RPH3A: variants seen among roughly 807,000 people sequenced by gnomAD.
RPH3A encodes rabphilin 3A.
Under a neutral mutation model 102.2 loss-of-function variants are expected in RPH3A, and 48 were observed. The ratio of observed to expected loss-of-function variants is 0.47; its 90% CI spans 0.37 to 0.60. The LOEUF (loss-of-function observed/expected upper bound fraction) is 0.60, where lower values mean the gene tolerates loss of function less well. RPH3A is among the 20% of genes least tolerant of loss of function. The pLI is 0.00. For synonymous variants in RPH3A, 310 were observed against 324.3 expected, an observed-to-expected ratio of 0.96 and a Z score of 0.47; for missense variants, 781 against 910.1, an observed-to-expected ratio of 0.86 and a Z score of 1.83.
chr12:112,800,620 G>C (rs1161970354), intron 2 of RPH3A, among the ~76,000 whole-genome samples: 1 of 152,166 alleles, frequency 6.6e-6, no homozygotes, highest in African/African-American at 2.4e-5. Flanking sequence ...AGTGAGGGGA[G>C]CTGTGATGGG....
rs11375355 is a variant in RPH3A, at chr12:112,774,063, C to CAAAAAAAAAAAAAAAAAAAA, written c.-139-18066_-139-18065insAAAAAAAAAAAAAAAAAAAA. Among the ~76,000 whole-genome samples the CAAAAAAAAAAAAAAAAAAAA allele has an allele frequency of 4.3e-4, 47 of 108,354 alleles. 2 individuals carry two copies. The highest frequency in any genetic ancestry group is 1.2e-3 in the African/African-American group (31 of 25,290). The allele number at this position is 108,354 out of a possible 152,430, so 71.1% of individuals were successfully genotyped here. ...TCACGCCACTGCACTCCAGCCTGGG[C>CAAAAAAAAAAAAAAAAAAAA]AAAAAAAAAAAAAAGAAAAAGAGAA... On this transcript the variant is annotated intron_variant, in intron 1 of 21. Coordinates refer to the RPH3A transcript ENST00000543106.
chr12:112,635,700 T>G (rs998552139), intron 1 of RPH3A, among the ~76,000 whole-genome samples: 1 of 152,130 alleles, frequency 6.6e-6, no homozygotes, highest in Admixed American at 6.6e-5. Context: ...TTTGGCGAGT[T>G]GGGGAGGGAG....
chr12:112,597,754 T>G (rs963089901), intron 1 of RPH3A, among the ~76,000 whole-genome samples: 2 of 152,164 alleles, frequency 1.3e-5, no homozygotes, highest in African/African-American at 2.4e-5. Context: ...CTGGTTGCCC[T>G]CTGAAGAGAG....
At chr12:112,843,918 C>T (rs2042189143) in intron 4 of RPH3A, among the ~76,000 whole-genome samples, 1 of 152,070 alleles carries the variant, frequency 6.6e-6, no homozygotes, top group South Asian at 2.1e-4. Flanking sequence ...ACACAGGAGT[C>T]CACTGTATCC....
intron 4 of RPH3A, among the ~76,000 whole-genome samples, chr12:112,843,781 C>T (rs771444034): frequency 6.6e-6 from 1 of 152,092 alleles, no homozygotes; most frequent in East Asian, 1.9e-4. Context: ...CAGGAAGAGA[C>T]GTGGCGGCAA....
chr12:112,656,885 T>A (rs1044968084), intron 1 of RPH3A, among the ~76,000 whole-genome samples: 6 of 152,122 alleles, frequency 3.9e-5, no homozygotes, highest in Non-Finnish European at 8.8e-5. Context: ...ATGACTTTGC[T>A]ATTGTGAATA....
At chr12:112,680,294 T>C (rs2040217761) in intron 1 of RPH3A, among the ~76,000 whole-genome samples, 1 of 152,124 alleles carries the variant, frequency 6.6e-6, no homozygotes, top group African/African-American at 2.4e-5. Context: ...GATTACAGGG[T>C]GGAAAATTTC....
intron 1 of RPH3A, among the ~76,000 whole-genome samples, chr12:112,575,686 G>T (rs2039353919): frequency 6.6e-6 from 1 of 151,728 alleles, no homozygotes; most frequent in South Asian, 2.1e-4. Flanking sequence ...CTTTTACCCA[G>T]GCTCGATATG....
At chr12:112,617,177 G>A (rs1821249720) in intron 1 of RPH3A, among the ~76,000 whole-genome samples, 1 of 152,220 alleles carries the variant, frequency 6.6e-6, no homozygotes, top group Non-Finnish European at 1.5e-5. Context: ...GGGAGCTGGA[G>A]GTGTCAGGAA....
intron 1 of RPH3A, among the ~76,000 whole-genome samples, chr12:112,714,754 G>A (rs1210292584): frequency 6.6e-6 from 1 of 152,116 alleles, no homozygotes; most frequent in Non-Finnish European, 1.5e-5. Context: ...GAGGATTTAA[G>A]GCCACACTCA....
In RPH3A at chr12:112,828,353, G is replaced by C. The variant is rs139903605; in HGVS notation, c.35G>C (p.Arg12Pro). 2 of 1,607,994 alleles carry C rather than the reference G, an allele frequency of 1.2e-6. No individual in the cohort carries two copies. Among genetic ancestry groups the C allele is most frequent in the Non-Finnish European group, 1.7e-6 (2 of 1,177,396 alleles). The stretch of plus-strand genomic sequence containing the variant: ...ACCGTGTTCAGCAACAGTTCTAACC[G>C]TTGGATGTACCCCAGTGACCGGCCC... ...TDTVFSNSSN[R>P]WMYPSDRPLQ... The change falls in exon 3 of 22, where the codon CGT (arginine) becomes CCT (proline). Residue 12 changes from arginine (R) to proline (P), a missense_variant. Coordinates refer to ENST00000389385, the MANE Select transcript of RPH3A (RefSeq NM_001143854.2).
chr12:112,836,396 C>A, intron 3 of RPH3A, 95 bp from the exon 4 acceptor site: 1 of 608,978 alleles, frequency 1.6e-6, no homozygotes, highest in Non-Finnish European at 2.7e-6. Context: ...ATTCAAGCTA[C>A]GTGAGTGTTG....
chr12:112,834,784 C>T (rs2042021787), intron 3 of RPH3A, among the ~76,000 whole-genome samples: 1 of 152,066 alleles, frequency 6.6e-6, no homozygotes, highest in African/African-American at 2.4e-5. Flanking sequence ...TTTTTAAAAT[C>T]AGGTAATTCA....
At chr12:112,648,422 G>A (rs958766657) in intron 1 of RPH3A, among the ~76,000 whole-genome samples, 10 of 151,094 alleles carry the variant, frequency 6.6e-5, no homozygotes, top group African/African-American at 2.4e-4. Context: ...TTCTGTAGGT[G>A]ACATTCTCAG....
intron 1 of RPH3A, among the ~76,000 whole-genome samples, chr12:112,741,168 T>C (rs1330785178): frequency 2.0e-5 from 3 of 152,212 alleles, no homozygotes; most frequent in Admixed American, 6.5e-5. Context: ...ATGGCTGAGC[T>C]GGACAATGGC....
At chr12:112,614,397 T>C (rs2039661479) in intron 1 of RPH3A, among the ~76,000 whole-genome samples, 1 of 151,608 alleles carries the variant, frequency 6.6e-6, no homozygotes, top group South Asian at 2.1e-4. Context: ...TAAGATCCTT[T>C]GTGGGGCTGG....
At chr12:112,614,083 G>T (rs1264825653) in intron 1 of RPH3A, among the ~76,000 whole-genome samples, 1 of 152,144 alleles carries the variant, frequency 6.6e-6, no homozygotes, top group African/African-American at 2.4e-5. Context: ...AAAAGGCAAA[G>T]AAATGGATTC....
intron 21 of RPH3A, 152 bp from the exon 22 acceptor site, chr12:112,896,498 A>G (rs2043180845): frequency 2.4e-6 from 2 of 832,938 alleles, no homozygotes; most frequent in African/African-American, 1.7e-5. Context: ...AATAACAACA[A>G]CAGCAGCAAC....
intron 1 of RPH3A, among the ~76,000 whole-genome samples, chr12:112,754,091 C>T (rs987576199): frequency 2.0e-5 from 3 of 152,150 alleles, no homozygotes; most frequent in Non-Finnish European, 4.4e-5. Flanking sequence ...ATCCATTTGG[C>T]TTCTGACTGT....
Sources: allele counts gnomAD v4.1 joint callset (sites outside exome capture counted in the v4.1 genomes callset), GRCh38; gene constraint gnomAD v4.1.1; transcripts MANE v1.5; gene names NCBI Gene and HGNC (gene_info 2026-07-23, HGNC 2026-07-21).